Variants in FAT3 observed in about 807,000 individuals in gnomAD.
FAT3 encodes the protein FAT atypical cadherin 3.
A neutral mutation model predicts 310.2 loss-of-function variants in FAT3; 95 were observed. The observed-to-expected ratio is 0.31, with a 90% CI of 0.26 to 0.36. The LOEUF is 0.36. Among genes scored for constraint, FAT3 ranks in the 10% least tolerant of loss-of-function variants. FAT3 has a pLI of 1.00. For missense variants in FAT3, 5,408 were observed against 5,715.6 expected, an observed-to-expected ratio of 0.95 and a Z score of 1.74; for synonymous variants, 2,314 against 2,192.9, an observed-to-expected ratio of 1.06 and a Z score of -1.54.
intron 1 of FAT3, among the ~76,000 whole-genome samples, chr11:92,349,508 C>G (rs765011036): frequency 2.0e-5 from 3 of 152,220 alleles, no homozygotes; most frequent in Non-Finnish European, 4.4e-5. Flanking sequence ...GTGGGCTTCG[C>G]CACTCTGCTA....
At position 92,887,062 on chromosome 11, in the gene FAT3, T is replaced by A; in HGVS notation, c.13000T>A (p.Ser4334Thr). ...TGCAGGTAGTAATAAAGGCAGCAAC[T>A]CTGAAGTTCAGTCCCTCAGCTCCTT... Reference protein sequence around the residue: ...CFAGSNKGSNSEVQSLSSFQS... With the variant: ...CFAGSNKGSNTEVQSLSSFQS... Residue 4334 changes from serine to threonine, a missense_variant, in exon 25 of 28, where the codon TCT (serine) becomes ACT (threonine). By Grantham distance (58) the Ser-to-Thr change is moderately conservative. Coordinates refer to ENST00000525166, the MANE Select transcript of FAT3 (RefSeq NM_001367949.2). 6.2e-7 allele frequency: 1 copy of A among 1,612,096 alleles called. No homozygotes were observed. The highest frequency in any genetic ancestry group is 8.5e-7 in the Non-Finnish European group (1 of 1,179,298).
chr11:92,542,031 A>G (rs1167799517), intron 3 of FAT3, among the ~76,000 whole-genome samples: 2 of 152,158 alleles, frequency 1.3e-5, no homozygotes, highest in Middle Eastern at 3.4e-3. Context: ...ATGAAAAGCA[A>G]CAGACATTAT....
At position 92,554,461 on chromosome 11, in the gene FAT3, C is replaced by CAA. The variant is rs56918849; in HGVS notation, c.3607+29549_3607+29550dup. The stretch of plus-strand genomic sequence containing the variant: ...TGGGCGAAAGAGTGAGACTCCATCT[C>CAA]AAAAAAAAAAAAAAAAAAAAAAAAA... On this transcript the variant is annotated intron_variant, in intron 3 of 27. Coordinates refer to ENST00000525166, the MANE Select transcript of FAT3 (RefSeq NM_001367949.2). Among the ~76,000 whole-genome samples the CAA allele has an allele frequency of 1.2e-3, 64 of 55,026 alleles. 10 individuals are homozygous for CAA. The highest frequency in any genetic ancestry group is 5.1e-3 in the African/African-American group (60 of 11,794). The allele number at this position is 55,026 out of a possible 152,430, so 36.1% of individuals were successfully genotyped here. A position where few individuals can be genotyped will look rare whatever the true frequency, so the allele number is the denominator to read the frequency against.
At chr11:92,878,862 G>A (rs927400484) in intron 22 of FAT3, among the ~76,000 whole-genome samples, 1 of 151,582 alleles carries the variant, frequency 6.6e-6, no homozygotes, top group African/African-American at 2.4e-5. Context: ...ATAGAATAGA[G>A]AAAACAGAGG....
intron 3 of FAT3, among the ~76,000 whole-genome samples, chr11:92,625,426 T>C (rs1591535428): frequency 1.3e-5 from 2 of 152,272 alleles, no homozygotes; most frequent in Admixed American, 6.5e-5. Flanking sequence ...CATTAATCCA[T>C]GTTTCAACTC....
chr11:92,831,347 C>T (rs1948242392), intron 13 of FAT3, among the ~76,000 whole-genome samples: 1 of 152,146 alleles, frequency 6.6e-6, no homozygotes, highest in Non-Finnish European at 1.5e-5. Context: ...CACAGTTTTT[C>T]TTAAAGATTT....
At chr11:92,878,809 G>A (rs183238163) in intron 22 of FAT3, among the ~76,000 whole-genome samples, 2 of 151,640 alleles carry the variant, frequency 1.3e-5, no homozygotes, top group East Asian at 3.9e-4. Flanking sequence ...GTTAGAGGAA[G>A]GTCCAGGAGA....
chr11:92,480,847 A>T (rs1408688517), intron 2 of FAT3, among the ~76,000 whole-genome samples: 3 of 152,186 alleles, frequency 2.0e-5, no homozygotes, highest in Non-Finnish European at 2.9e-5. Context: ...TATGGAGTGA[A>T]GTTATGATTT....
In FAT3 at chr11:92,440,206, T is replaced by A. The variant is rs146338374; in HGVS notation, c.3293-84428T>A. Among the ~76,000 whole-genome samples, 133 of 152,210 alleles carry A rather than the reference T, an allele frequency of 8.7e-4. 1 individual carries two copies. Among genetic ancestry groups the A allele is most frequent in the African/African-American group, 3.2e-3 (132 of 41,534 alleles). The stretch of plus-strand genomic sequence containing the variant: ...TTCTGCCAGTTGCAGAGGCAAGGAT[T>A]GGGTGCAATTAGTTTATTAGGGATG... On this transcript the variant is annotated intron_variant, in intron 2 of 27. Coordinates refer to ENST00000525166, the MANE Select transcript of FAT3 (RefSeq NM_001367949.2).
chr11:92,509,223 T>C (rs752145533), intron 2 of FAT3, among the ~76,000 whole-genome samples: 6 of 152,156 alleles, frequency 3.9e-5, no homozygotes, highest in Non-Finnish European at 8.8e-5. Flanking sequence ...GCAAATCTTA[T>C]AACGATTTAA....
At chr11:92,662,855 A>G (rs1942833723) in intron 3 of FAT3, among the ~76,000 whole-genome samples, 1 of 152,206 alleles carries the variant, frequency 6.6e-6, no homozygotes. Context: ...TGGCAATGTG[A>G]TAAGAAGTCT....
chr11:92,340,806 G>A, intron 1 of FAT3, among the ~76,000 whole-genome samples: 1 of 152,152 alleles, frequency 6.6e-6, no homozygotes, highest in East Asian at 1.9e-4. Flanking sequence ...GGGCTTATAT[G>A]CACCAGTCAA....
At chr11:92,866,692 A>C in intron 21 of FAT3, 49 bp from the exon 22 acceptor site, 1 of 1,535,752 alleles carries the variant, frequency 6.5e-7, no homozygotes, top group Non-Finnish European at 8.8e-7. Context: ...TAGGGAACAT[A>C]TTCCCAGTTG....
At chr11:92,698,838 G>A (rs1172237574) in intron 4 of FAT3, among the ~76,000 whole-genome samples, 1 of 152,084 alleles carries the variant, frequency 6.6e-6, no homozygotes, top group Non-Finnish European at 1.5e-5. Flanking sequence ...CAGGACACCT[G>A]GAAAGGCTGT....
chr11:92,848,460 G>A (rs1323938656), intron 19 of FAT3, among the ~76,000 whole-genome samples: 1 of 152,182 alleles, frequency 6.6e-6, no homozygotes, highest in Non-Finnish European at 1.5e-5. Context: ...TATAGGAGAT[G>A]TGCAAGAGAA....
At chr11:92,528,286 C>T (rs1953941924) in intron 3 of FAT3, among the ~76,000 whole-genome samples, 1 of 152,218 alleles carries the variant, frequency 6.6e-6, no homozygotes, top group African/African-American at 2.4e-5. Flanking sequence ...ACAGAGAACT[C>T]TTGCTTAATT....
intron 19 of FAT3, among the ~76,000 whole-genome samples, chr11:92,850,409 T>A (rs530054090): frequency 7.3e-4 from 111 of 152,076 alleles, no homozygotes; most frequent in Non-Finnish European, 1.3e-3. Flanking sequence ...AGAGAGGAGG[T>A]CTTGAATGAA....
chr11:92,418,420 C>T (rs1333473082), intron 2 of FAT3, among the ~76,000 whole-genome samples: 1 of 25,894 alleles, frequency 3.9e-5, no homozygotes, highest in Non-Finnish European at 1.1e-4. Flanking sequence ...AAGTTAAACA[C>T]CCCCCCCACC....
chr11:92,820,336 TTC>T (rs1947930316), intron 13 of FAT3, among the ~76,000 whole-genome samples: 1 of 152,124 alleles, frequency 6.6e-6, no homozygotes, highest in Admixed American at 6.5e-5. Flanking sequence ...TCTGTCTTTC[TTC>T]TCTTCTTATG....
Sources: gnomAD v4.1 joint callset for allele counts (sites outside exome capture counted in the v4.1 genomes callset) on GRCh38, gnomAD v4.1.1 for gene constraint, MANE v1.5 for transcripts, NCBI Gene and HGNC (gene_info 2026-07-23, HGNC 2026-07-21) for gene names.